The following PCDHA3 variants were observed in gnomAD, a reference collection of about 807,000 sequenced individuals.
PCDHA3 encodes protocadherin alpha-3.
A neutral mutation model predicts 62.2 loss-of-function variants in PCDHA3; 41 were observed. The observed-to-expected ratio is 0.66, with a 90% CI of 0.51 to 0.86. The LOEUF (loss-of-function observed/expected upper bound fraction) is 0.86, where lower values mean the gene tolerates loss of function less well. Among genes scored for constraint, PCDHA3 ranks in the 40% least tolerant of loss-of-function variants. The probability of loss-of-function intolerance (pLI) is 0.00; values close to 1 mark genes in which losing one functional copy is unlikely to be tolerated. For synonymous variants in PCDHA3, 640 were observed against 555.4 expected, an observed-to-expected ratio of 1.15 and a Z score of -2.14; for missense variants, 1,304 against 1,241.2, an observed-to-expected ratio of 1.05 and a Z score of -0.76.
intron 1 of PCDHA3, chr5:140,857,672 C>T: frequency 2.5e-6 from 4 of 1,596,908 alleles, no homozygotes; most frequent in Middle Eastern, 3.8e-4. Context: ...TGGGGGCGTG[C>T]CGCCTCTGGG....
intron 1 of PCDHA3, chr5:140,853,229 A>G (rs2042677990): frequency 2.0e-6 from 2 of 981,308 alleles, no homozygotes; most frequent in Admixed American, 1.3e-4. Flanking sequence ...TTGGTAATTT[A>G]GTCCTTCATA....
At chr5:140,893,141 C>A (rs1412974583) in intron 1 of PCDHA3, among the ~76,000 whole-genome samples, 1 of 152,192 alleles carries the variant, frequency 6.6e-6, no homozygotes, top group African/African-American at 2.4e-5. Flanking sequence ...TTTATCCACT[C>A]ATCTGTTGAT....
chr5:140,936,744 T>A (rs1204618787), intron 1 of PCDHA3, among the ~76,000 whole-genome samples: 5 of 152,216 alleles, frequency 3.3e-5, no homozygotes, highest in Non-Finnish European at 5.9e-5. Context: ...AACTTTTCAT[T>A]TGTATTGATA....
intron 1 of PCDHA3, chr5:140,929,344 A>G: frequency 6.5e-7 from 1 of 1,531,050 alleles, no homozygotes; most frequent in South Asian, 1.3e-5. Flanking sequence ...ATTTTATGGA[A>G]TTTGATTCCT....
intron 3 of PCDHA3, among the ~76,000 whole-genome samples, chr5:141,000,387 CTCTCTCTCTATATA>C (rs1446529556): frequency 4.5e-4 from 30 of 66,870 alleles, no homozygotes; most frequent in African/African-American, 1.4e-3. Flanking sequence ...CTCTCTCTCT[CTCTCTCTCTATATA>C]TATATATATA....
At chr5:140,880,233 T>C (rs1040125802) in intron 1 of PCDHA3, among the ~76,000 whole-genome samples, 1 of 152,046 alleles carries the variant, frequency 6.6e-6, no homozygotes, top group African/African-American at 2.4e-5. Context: ...TTTAAATTAG[T>C]GTATGTGCGT....
chr5:140,827,381 C>A, intron 1 of PCDHA3, among the ~76,000 whole-genome samples: 1 of 152,258 alleles, frequency 6.6e-6, no homozygotes, highest in South Asian at 2.1e-4. Flanking sequence ...CTAATATAAG[C>A]TGCAGATAAA....
chr5:140,836,076 C>G (rs1387042597), intron 1 of PCDHA3: 1 of 1,613,592 alleles, frequency 6.2e-7, no homozygotes, highest in Admixed American at 1.7e-5. Context: ...CGCGCCGGCA[C>G]TGCTGGCGCC....
intron 1 of PCDHA3, chr5:140,847,563 C>T (rs1288728812): frequency 1.3e-5 from 2 of 148,928 alleles, no homozygotes; most frequent in African/African-American, 2.5e-5. Context: ...GAAATTGCCC[C>T]GAGTACTAAG....
At chr5:140,968,580 C>T (rs782395602) in intron 1 of PCDHA3, 1 of 1,614,218 alleles carries the variant, frequency 6.2e-7, no homozygotes, top group Admixed American at 1.7e-5. Context: ...TACCTGGTCA[C>T]CAAAGTCATA....
intron 1 of PCDHA3, among the ~76,000 whole-genome samples, chr5:140,940,974 A>G (rs1206597858): frequency 6.6e-6 from 1 of 152,220 alleles, no homozygotes; most frequent in Non-Finnish European, 1.5e-5. Flanking sequence ...GATATCTGGT[A>G]TCTAGTTACA....
At chr5:140,955,233 T>A (rs1554221819) in intron 1 of PCDHA3, among the ~76,000 whole-genome samples, 1 of 152,198 alleles carries the variant, frequency 6.6e-6, no homozygotes, top group African/African-American at 2.4e-5. Flanking sequence ...TTTGTTCTTT[T>A]GCTTAGGATC....
intron 1 of PCDHA3, among the ~76,000 whole-genome samples, chr5:140,957,916 T>C (rs1554223208): frequency 6.6e-6 from 1 of 152,114 alleles, no homozygotes; most frequent in African/African-American, 2.4e-5. Context: ...TTGTTATCTA[T>C]GTATCAAGCT....
rs376536820 is a variant in PCDHA3, at chr5:140,802,505, G to T, written c.1308G>T (p.Trp436Cys). ...TARDGGSPSL[W>C]ATASVSVEVA... The stretch of plus-strand genomic sequence containing the variant: ...GGGACGGGGGCTCGCCTTCACTGTG[G>T]GCCACGGCCAGCGTGTCCGTGGAGG... Residue 436 changes from tryptophan (W) to cysteine (C), a missense_variant, in exon 1 of 4, where the codon TGG (tryptophan) becomes TGT (cysteine). Coordinates refer to ENST00000522353, the MANE Select transcript of PCDHA3 (RefSeq NM_018906.3). 2 of 1,614,160 alleles carry T rather than the reference G, an allele frequency of 1.2e-6. No homozygotes were observed. Among genetic ancestry groups the T allele is most frequent in the South Asian group, 2.2e-5 (2 of 91,086 alleles).
At chr5:140,808,507 T>A in intron 1 of PCDHA3, 3 of 1,614,038 alleles carry the variant, frequency 1.9e-6, no homozygotes, top group Non-Finnish European at 1.7e-6. Flanking sequence ...CCACGGCCAG[T>A]GTTTCTGTGG....
chr5:140,810,316 C>G (rs1764636822), intron 1 of PCDHA3: 1 of 152,126 alleles, frequency 6.6e-6, no homozygotes, highest in South Asian at 2.1e-4. Context: ...TCTTTGATGC[C>G]CATGTACACA....
chr5:140,923,110 A>G (rs2081174881), intron 1 of PCDHA3, among the ~76,000 whole-genome samples: 1 of 152,184 alleles, frequency 6.6e-6, no homozygotes, highest in South Asian at 2.1e-4. Flanking sequence ...TATGATTTTA[A>G]GTTTTTAGGG....
rs797023184 is a variant in PCDHA3 at position 140,941,202 on chromosome 5, CCTTT to C, written c.2395-37739_2395-37736del. The stretch of plus-strand genomic sequence containing the variant: ...TCCTGCTTCTTTTTTTTTCTTTCTT[CCTTT>C]CTTTCTTCCTTTCTTTCTTTCTTTC... On this transcript the variant is annotated intron_variant, in intron 1 of 3. Transcript: ENST00000522353. Among the ~76,000 whole-genome samples, 914 of 122,710 alleles carry C rather than the reference CCTTT, an allele frequency of 7.4e-3. 14 individuals are homozygous for C. The highest frequency in any genetic ancestry group is 0.013 in the African/African-American group (444 of 33,832). The allele number at this position is 122,710 out of a possible 152,430, so 80.5% of individuals were successfully genotyped here. A position where few individuals can be genotyped will look rare whatever the true frequency, so the allele number is the denominator to read the frequency against.
rs192376340 is a variant in PCDHA3 at position 140,857,538 on chromosome 5, G to A, written c.2394+53947G>A. The A allele has an allele frequency of 8.8e-6, 14 of 1,597,348 alleles. No individual in the cohort carries two copies. In the East Asian group the frequency reaches 3.1e-4, roughly 36 times the overall value. On this transcript the variant is annotated intron_variant, in intron 1 of 3. Transcript: ENST00000522353. ...GTGTCCTACTCTCTGGTGGAGCGGC[G>A]GTTGGGCGAGCGCTCGCTGTCGAGC... is the stretch of plus-strand genomic sequence containing the variant.
Sources: gnomAD v4.1 joint callset for allele counts (sites outside exome capture counted in the v4.1 genomes callset) on GRCh38, gnomAD v4.1.1 for gene constraint, MANE v1.5 for transcripts, NCBI Gene and HGNC (gene_info 2026-07-23, HGNC 2026-07-21) for gene names.